The following PHACTR1 variants were observed in gnomAD, a reference collection of about 807,000 sequenced individuals.
PHACTR1 encodes RPEL repeat containing 1.
In PHACTR1, 16 loss-of-function variants were observed where a neutral mutation model predicts 69.2. That is an observed-to-expected ratio of 0.23 (90% confidence interval 0.16 to 0.35). PHACTR1 has a LOEUF of 0.35. PHACTR1 is among the 10% of genes least tolerant of loss of function. PHACTR1 has a pLI of 1.00. For synonymous variants in PHACTR1, 312 were observed against 284.5 expected, an observed-to-expected ratio of 1.10 and a Z score of -0.97; for missense variants, 510 against 734.7, an observed-to-expected ratio of 0.69 and a Z score of 3.54.
chr6:12,877,990 C>T (rs1782708256), intron 4 of PHACTR1, among the ~76,000 whole-genome samples: 1 of 152,170 alleles, frequency 6.6e-6, no homozygotes, highest in Admixed American at 6.5e-5. Flanking sequence ...CACTTAAAAG[C>T]TCAGAAAGGC....
At chr6:13,220,002 C>T (rs1384014950) in intron 8 of PHACTR1, among the ~76,000 whole-genome samples, 1 of 152,104 alleles carries the variant, frequency 6.6e-6, no homozygotes, top group Admixed American at 6.5e-5. Context: ...CCTCATGTCC[C>T]CATTCATAAA....
intron 3 of PHACTR1, chr6:12,749,382 C>T: frequency 5.5e-6 from 3 of 542,864 alleles, no homozygotes; most frequent in Non-Finnish European, 1.1e-5. Context: ...GGGCGCCAGC[C>T]AGGGATAGCC....
At chr6:12,817,572 C>G (rs938700414) in intron 4 of PHACTR1, among the ~76,000 whole-genome samples, 2 of 152,146 alleles carry the variant, frequency 1.3e-5, no homozygotes, top group Non-Finnish European at 2.9e-5. Context: ...GTTAATGCAT[C>G]TGAAACACTG....
At chr6:12,838,209 C>T (rs1327432682) in intron 4 of PHACTR1, among the ~76,000 whole-genome samples, 5 of 152,216 alleles carry the variant, frequency 3.3e-5, no homozygotes, top group Non-Finnish European at 7.3e-5. Context: ...AAAAACAAGT[C>T]ACAGTTCCTG....
At chr6:13,194,677 A>G (rs935391581) in intron 7 of PHACTR1, among the ~76,000 whole-genome samples, 18 of 152,338 alleles carry the variant, frequency 1.2e-4, no homozygotes, top group African/African-American at 4.3e-4. Context: ...CCAAAACATG[A>G]TAAGTATGTA....
At chr6:13,250,269 G>A (rs1024771422) in intron 10 of PHACTR1, among the ~76,000 whole-genome samples, 6 of 152,180 alleles carry the variant, frequency 3.9e-5, no homozygotes, top group African/African-American at 1.2e-4. Flanking sequence ...AAGTGCATGT[G>A]CCCGAAATAT....
intron 4 of PHACTR1, among the ~76,000 whole-genome samples, chr6:13,018,539 C>A (rs562758925): frequency 6.6e-6 from 1 of 152,270 alleles, no homozygotes; most frequent in East Asian, 1.9e-4. Flanking sequence ...CCCCCAAGTC[C>A]AGTTTTGCCT....
At chr6:13,213,680 A>T (rs1484024118) in intron 8 of PHACTR1, among the ~76,000 whole-genome samples, 1 of 152,160 alleles carries the variant, frequency 6.6e-6, no homozygotes, top group East Asian at 1.9e-4. Context: ...ACCCTTGTGA[A>T]CTGGACTTCA....
intron 4 of PHACTR1, among the ~76,000 whole-genome samples, chr6:12,930,363 T>C (rs1414497933): frequency 6.6e-6 from 1 of 152,166 alleles, no homozygotes; most frequent in Admixed American, 6.5e-5. Flanking sequence ...TTTTTGGGTG[T>C]GTGGAGAACC....
intron 4 of PHACTR1, among the ~76,000 whole-genome samples, chr6:12,850,644 C>T (rs975584905): frequency 6.6e-6 from 1 of 152,096 alleles, no homozygotes; most frequent in East Asian, 1.9e-4. Flanking sequence ...AGTCTGAAAC[C>T]AAGGTGTCAG....
At chr6:12,911,770 G>T (rs548935080) in intron 4 of PHACTR1, among the ~76,000 whole-genome samples, 1 of 152,250 alleles carries the variant, frequency 6.6e-6, no homozygotes, top group Non-Finnish European at 1.5e-5. Context: ...ATTTATAAGT[G>T]CCTTTGTACC....
At chr6:13,260,326 G>C (rs140776744) in intron 10 of PHACTR1, among the ~76,000 whole-genome samples, 1 of 152,284 alleles carries the variant, frequency 6.6e-6, no homozygotes, top group Non-Finnish European at 1.5e-5. Flanking sequence ...CCTAAACTGT[G>C]AATGTGCTAC....
chr6:13,051,838 T>A (rs1468298539), intron 4 of PHACTR1, among the ~76,000 whole-genome samples: 2 of 152,190 alleles, frequency 1.3e-5, no homozygotes, highest in Admixed American at 1.3e-4. Context: ...TTCCTGTGTG[T>A]CTTCCCCAGA....
chr6:13,279,419 A>T (rs773416970), intron 12 of PHACTR1: 1 of 152,270 alleles, frequency 6.6e-6, no homozygotes, highest in Non-Finnish European at 1.5e-5. Flanking sequence ...AGATACTCTC[A>T]TATCTTAGCT....
Position 13,283,298 on chromosome 6 carries a change from C to A in PHACTR1, c.1510-124C>A. 2.5e-6 allele frequency: 2 copies of A among 791,216 alleles called. No individual in the cohort carries two copies. The highest frequency in any genetic ancestry group is 3.8e-6 in the Non-Finnish European group (2 of 528,202). The allele number at this position is 791,216 out of a possible 1,614,324, so 49.0% of individuals were successfully genotyped here. On this transcript the variant is annotated intron_variant, in intron 12 of 14. Coordinates refer to ENST00000332995, the MANE Select transcript of PHACTR1 (RefSeq NM_030948.6). This position sits in a 1 kb window ranked among gnomAD's most constrained non-coding sequence, Gnocchi z 4.7. ...CCTCCCCCTGCCCCTGCCCCTCACT[C>A]ACTATGCGATGCATCCATCGCCTCA...
intron 4 of PHACTR1, among the ~76,000 whole-genome samples, chr6:13,040,092 T>C (rs1803914505): frequency 6.6e-6 from 1 of 152,204 alleles, no homozygotes; most frequent in Non-Finnish European, 1.5e-5. Flanking sequence ...AGCAGAAATT[T>C]CCTCTTCTCT....
intron 4 of PHACTR1, among the ~76,000 whole-genome samples, chr6:13,005,564 A>G (rs931392593): frequency 3.9e-5 from 6 of 152,192 alleles, no homozygotes; most frequent in Non-Finnish European, 7.4e-5. Flanking sequence ...ATGTATAAAT[A>G]TAAATATCCT....
At chr6:12,749,367 G>A (rs1161805850) in intron 3 of PHACTR1, 14 of 516,302 alleles carry the variant, frequency 2.7e-5, no homozygotes, top group Admixed American at 2.3e-4. Context: ...GTCTGGGGGA[G>A]CCCCGGGCGC....
intron 5 of PHACTR1, among the ~76,000 whole-genome samples, chr6:13,090,988 C>G (rs1813170746): frequency 7.6e-6 from 1 of 131,920 alleles, no homozygotes; most frequent in Non-Finnish European, 1.6e-5. Flanking sequence ...GAGCCCTGAG[C>G]TTGTTTTTAT....
Sources: gnomAD v4.1 joint callset for allele counts (sites outside exome capture counted in the v4.1 genomes callset) on GRCh38, gnomAD v4.1.1 for gene constraint, Gnocchi (gnomAD v3.1) non-coding constraint, MANE v1.5 for transcripts, NCBI Gene and HGNC (gene_info 2026-07-23, HGNC 2026-07-21) for gene names.